KRAS: variants seen among roughly 807,000 people sequenced by gnomAD.
The protein encoded by KRAS is GTPase KRas.
KRAS carries 1 observed loss-of-function variant against 21.0 expected under a neutral mutation model. That is an observed-to-expected ratio of 0.05 (90% CI 0.02 to 0.23). KRAS has a LOEUF of 0.23. KRAS is among the 10% of genes least tolerant of loss of function. KRAS has a pLI of 1.00. For missense variants in KRAS, 107 were observed against 221.8 expected, an observed-to-expected ratio of 0.48 and a Z score of 3.29; for synonymous variants, 67 against 72.5, an observed-to-expected ratio of 0.92 and a Z score of 0.39.
At chr12:25,210,901 G>A (rs1407390290) in intron 4 of KRAS, 1 of 151,538 alleles carries the variant, frequency 6.6e-6, no homozygotes, top group Non-Finnish European at 1.5e-5. Context: ...TTTTAAACCT[G>A]CAGTACTTAA....
rs1951180512 is a variant in KRAS, at chr12:25,209,494, A to T, written c.*301T>A. On this transcript the variant is annotated 3_prime_UTR_variant, in exon 5 of 5. Coordinates refer to ENST00000311936, the MANE Select transcript of KRAS (RefSeq NM_004985.5). Reference sequence around the variant, plus strand: ...TTTCACACCAACATTCACAATTGGTAAGAAAAATAAGAAGTAATCAACTGC... The same window carrying T: ...TTTCACACCAACATTCACAATTGGTTAGAAAAATAAGAAGTAATCAACTGC... 5.4e-6 allele frequency: 7 copies of T among 1,290,192 alleles called. No homozygotes were observed. The South Asian group carries it at 1.7e-4, about 32-fold the overall frequency. The allele number at this position is 1,290,192 out of a possible 1,614,324, so 79.9% of individuals were successfully genotyped here. A position where few individuals can be genotyped will look rare whatever the true frequency, so the allele number is the denominator to read the frequency against.
chr12:25,215,329 C>T (rs1007084789), intron 4 of KRAS: 5 of 1,473,652 alleles, frequency 3.4e-6, no homozygotes, highest in South Asian at 1.2e-5. Context: ...TCTTTTAATA[C>T]TTCAAGTTAG....
chr12:25,212,349 A>G (rs562520061), intron 4 of KRAS, among the ~76,000 whole-genome samples: 1 of 152,362 alleles, frequency 6.6e-6, no homozygotes, highest in South Asian at 2.1e-4. Context: ...ACAGAATTTG[A>G]AAACATTACT....
intron 4 of KRAS, among the ~76,000 whole-genome samples, chr12:25,213,605 G>A (rs1173210630): frequency 2.0e-5 from 3 of 152,156 alleles, no homozygotes; most frequent in Admixed American, 6.5e-5. Context: ...AGTACACCAC[G>A]TAGTATCTTT....
In KRAS at chr12:25,221,112, T is replaced by C. The variant is rs117991169; in HGVS notation, c.450+4502A>G. Among the ~76,000 whole-genome samples, 1,301 of 151,914 alleles carry C rather than the reference T, an allele frequency of 8.6e-3. 6 individuals carry two copies. Among genetic ancestry groups the C allele is most frequent in the Non-Finnish European group, 0.014 (983 of 67,964 alleles). ...TATGTTAAGTTTTACTTTAAGATTA[T>C]TAAAGTTAGCCTGTAAAATACAAAA... On this transcript the variant is annotated intron_variant, in intron 4 of 4. Transcript: ENST00000311936.
Position 25,209,612 on chromosome 12 carries a change from G to A in KRAS, c.*183C>T. 7.4e-7 allele frequency: 1 copy of A among 1,351,456 alleles called. No homozygotes were observed. Among genetic ancestry groups the A allele is most frequent in the South Asian group, 1.9e-5 (1 of 51,428 alleles). The allele number at this position is 1,351,456 out of a possible 1,614,324, so 83.7% of individuals were successfully genotyped here. A position where few individuals can be genotyped will look rare whatever the true frequency, so the allele number is the denominator to read the frequency against. The stretch of plus-strand genomic sequence containing the variant: ...AAAAACCAAAACTCTGGGAATACTG[G>A]CACTTAGAGGAAAAAAAAACTTCCA... On this transcript the variant is annotated 3_prime_UTR_variant, in exon 5 of 5. Coordinates refer to ENST00000311936, the MANE Select transcript of KRAS (RefSeq NM_004985.5).
chr12:25,210,111 AG>A (rs1951187151), intron 4 of KRAS, among the ~76,000 whole-genome samples, 200 bp from the exon 5 acceptor site: 1 of 152,218 alleles, frequency 6.6e-6, no homozygotes, highest in African/African-American at 2.4e-5. Context: ...TATTATAAAC[AG>A]GAACACTAAT....
At chr12:25,236,092 A>T (rs1283254193) in intron 2 of KRAS, among the ~76,000 whole-genome samples, 1 of 151,954 alleles carries the variant, frequency 6.6e-6, no homozygotes, top group Non-Finnish European at 1.5e-5. Context: ...TGGGGATCTC[A>T]AAGGCTTAGA....
At chr12:25,249,110 T>C (rs1357829564) in intron 1 of KRAS, among the ~76,000 whole-genome samples, 3 of 152,150 alleles carry the variant, frequency 2.0e-5, no homozygotes. Context: ...GATCTCAAGA[T>C]TTAAGAAGGC....
At chr12:25,223,808 A>T (rs1373023770) in intron 4 of KRAS, among the ~76,000 whole-genome samples, 1 of 151,960 alleles carries the variant, frequency 6.6e-6, no homozygotes, top group Non-Finnish European at 1.5e-5. Flanking sequence ...TTGTTCAGCA[A>T]TTTTTTTTAA....
intron 4 of KRAS, among the ~76,000 whole-genome samples, chr12:25,220,355 A>G (rs183270220): frequency 2.0e-5 from 3 of 152,342 alleles, no homozygotes; most frequent in African/African-American, 4.8e-5. Context: ...TATGTAACGC[A>G]TTATATTCTA....
At chr12:25,235,326 C>T (rs1281345150) in intron 2 of KRAS, 3 of 432,840 alleles carry the variant, frequency 6.9e-6, no homozygotes, top group Non-Finnish European at 1.3e-5. Flanking sequence ...TGATGTGTTC[C>T]GCACTTTCCG....
At chr12:25,213,787 C>T (rs1027236538) in intron 4 of KRAS, among the ~76,000 whole-genome samples, 6 of 152,086 alleles carry the variant, frequency 3.9e-5, no homozygotes, top group African/African-American at 1.4e-4. Flanking sequence ...AATATGCATC[C>T]AAAGCTTAAG....
At chr12:25,233,980 T>C (rs554625266) in intron 2 of KRAS, 150 of 193,326 alleles carry the variant, frequency 7.8e-4, no homozygotes, top group South Asian at 2.1e-3. Flanking sequence ...TCACGACAAA[T>C]GCCCCACTTT....
At chr12:25,227,511 T>C in intron 2 of KRAS, 99 bp from the exon 3 acceptor site, 1 of 1,073,820 alleles carries the variant, frequency 9.3e-7, no homozygotes, top group Non-Finnish European at 1.4e-6. Context: ...AATTTAAAAA[T>C]GGGCAAAGGA....
At chr12:25,225,805 A>T (rs1222982359) in intron 3 of KRAS, 32 bp from the exon 4 acceptor site, 1 of 1,592,580 alleles carries the variant, frequency 6.3e-7, no homozygotes, top group African/African-American at 1.3e-5. Flanking sequence ...TAGCACAGTC[A>T]TTAGTAACAC....
intron 2 of KRAS, among the ~76,000 whole-genome samples, chr12:25,232,107 G>A (rs1009700344): frequency 2.6e-5 from 4 of 152,032 alleles, no homozygotes. Flanking sequence ...TATCACAAGT[G>A]GACCCATGGT....
intron 4 of KRAS, among the ~76,000 whole-genome samples, chr12:25,220,896 G>T (rs1399307951): frequency 6.6e-6 from 1 of 151,612 alleles, no homozygotes; most frequent in East Asian, 1.9e-4. Flanking sequence ...GTGGTGGTGC[G>T]TGCCTGTAGT....
Position 25,234,909 on chromosome 12 carries a change from T to C in KRAS, c.112-7497A>G, listed in dbSNP as rs61761146. On this transcript the variant is annotated intron_variant, in intron 2 of 4. Transcript: ENST00000311936. ...CATTCCAAGTATAGATTTTGTTTAC[T>C]ATATTGTAGTAAACAAAAAACCTAA... The C allele has an allele frequency of 4.8e-3, 1,183 of 245,186 alleles. 12 individuals carry two copies. The highest frequency in any genetic ancestry group is 0.024 in the African/African-American group (1,110 of 45,730). The allele number at this position is 245,186 out of a possible 1,614,324, so 15.2% of individuals were successfully genotyped here.
Sources: gnomAD v4.1 joint callset for allele counts (sites outside exome capture counted in the v4.1 genomes callset) on GRCh38, gnomAD v4.1.1 for gene constraint, MANE v1.5 for transcripts, NCBI Gene and HGNC (gene_info 2026-07-23, HGNC 2026-07-21) for gene names.